The following PCDHA5 variants were observed in gnomAD, a reference collection of about 807,000 sequenced individuals.
The protein encoded by PCDHA5 is protocadherin alpha-5.
Under a neutral mutation model 61.6 loss-of-function variants are expected in PCDHA5, and 43 were observed. The ratio of observed to expected loss-of-function variants is 0.70; its 90% CI spans 0.55 to 0.90. PCDHA5 has a LOEUF of 0.90. Ranked by LOEUF, PCDHA5 falls within the 40% of genes least tolerant of loss-of-function variation. The pLI is 0.00. For synonymous variants in PCDHA5, 627 were observed against 543.9 expected (o/e 1.15, Z -2.13); for missense variants, 1,298 against 1,222.7 (o/e 1.06, Z -0.92).
intron 1 of PCDHA5, chr5:140,870,699 C>T (rs1160091003): frequency 6.2e-7 from 1 of 1,613,004 alleles, no homozygotes. Flanking sequence ...TGCTACAGTT[C>T]CAGGTGAGCG....
chr5:140,991,433 T>G (rs1441155854), intron 3 of PCDHA5, among the ~76,000 whole-genome samples: 1 of 152,194 alleles, frequency 6.6e-6, no homozygotes, highest in Non-Finnish European at 1.5e-5. Context: ...AACCATAAAC[T>G]TCATGGCTTA....
chr5:140,910,808 G>A (rs535429898), intron 1 of PCDHA5, among the ~76,000 whole-genome samples: 1 of 152,170 alleles, frequency 6.6e-6, no homozygotes, highest in South Asian at 2.1e-4. Flanking sequence ...TGCTTAGTGG[G>A]CCCAAATCAA....
intron 1 of PCDHA5, chr5:140,966,397 G>C (rs782390663): frequency 4.5e-5 from 18 of 404,120 alleles, no homozygotes; most frequent in Admixed American, 2.2e-4. Flanking sequence ...CCGCCACTTC[G>C]GCGCGGAATC....
chr5:140,852,967 C>T (rs1446312366), intron 1 of PCDHA5: 3 of 408,074 alleles, frequency 7.4e-6, no homozygotes, highest in South Asian at 2.0e-4. Flanking sequence ...CAAGCTCCCC[C>T]TCCCGTGTTC....
At chr5:140,876,321 G>T (rs2153339560) in intron 1 of PCDHA5, 2 of 1,614,030 alleles carry the variant, frequency 1.2e-6, no homozygotes, top group East Asian at 2.2e-5. Context: ...GGATCAAAAT[G>T]ATTTTGCCAG....
At chr5:140,951,426 A>T (rs1282737926) in intron 1 of PCDHA5, among the ~76,000 whole-genome samples, 1 of 152,068 alleles carries the variant, frequency 6.6e-6, no homozygotes, top group Non-Finnish European at 1.5e-5. Flanking sequence ...ACAGTTCCAC[A>T]GGCTGTAGGA....
At chr5:140,986,583 T>C (rs1265983211) in intron 3 of PCDHA5, among the ~76,000 whole-genome samples, 1 of 152,170 alleles carries the variant, frequency 6.6e-6, no homozygotes, top group African/African-American at 2.4e-5. Flanking sequence ...TTTTTCCAGC[T>C]CCTCTTTCTA....
intron 1 of PCDHA5, chr5:140,882,766 G>C (rs782330844): frequency 6.2e-7 from 1 of 1,614,184 alleles, no homozygotes; most frequent in Non-Finnish European, 8.5e-7. Context: ...GAGTAAACTC[G>C]GCATTGACCT....
chr5:140,868,979 C>T, intron 1 of PCDHA5: 6 of 1,485,290 alleles, frequency 4.0e-6, no homozygotes, highest in Non-Finnish European at 5.4e-6. Flanking sequence ...TCCATCATAC[C>T]GGATGCCACC....
intron 3 of PCDHA5, among the ~76,000 whole-genome samples, chr5:140,991,948 A>G (rs2097482017): frequency 6.6e-6 from 1 of 152,046 alleles, no homozygotes; most frequent in Non-Finnish European, 1.5e-5. Flanking sequence ...TAAAATTAGA[A>G]TGCAGTCATT....
chr5:140,985,283 A>G (rs955144760), intron 3 of PCDHA5, among the ~76,000 whole-genome samples: 6 of 152,020 alleles, frequency 3.9e-5, no homozygotes, highest in Admixed American at 1.3e-4. Context: ...TCTGCAATCT[A>G]TGATATAGTG....
chr5:140,877,467 G>T (rs1554169776), intron 1 of PCDHA5: 2 of 1,613,868 alleles, frequency 1.2e-6, no homozygotes, highest in Non-Finnish European at 1.7e-6. Flanking sequence ...CGGCCACGGT[G>T]CTGGTGTCGC....
In PCDHA5 at chr5:140,851,928, G is replaced by A. The variant is rs1294571099; in HGVS notation, c.2352+27801G>A. 4.1e-6 allele frequency: 4 copies of A among 965,790 alleles called. 1 individual carries two copies. In the African/African-American group the frequency reaches 7.1e-5, roughly 17 times the overall value. 59.8% of individuals were successfully genotyped at this position (965,790 alleles called of 1,614,324 possible). On this transcript the variant is annotated intron_variant, in intron 1 of 3. Coordinates refer to ENST00000529859, the MANE Select transcript of PCDHA5 (RefSeq NM_018908.3). Reference sequence around the variant, plus strand: ...AATGTCACTACATGTTATGTTTCCTGAATTGTAGTATGTGACTTTCAAAAT... The same window carrying A: ...AATGTCACTACATGTTATGTTTCCTAAATTGTAGTATGTGACTTTCAAAAT...
At chr5:140,970,327 A>AGCATG (rs2096397524) in intron 1 of PCDHA5, among the ~76,000 whole-genome samples, 1 of 152,204 alleles carries the variant, frequency 6.6e-6, no homozygotes, top group African/African-American at 2.4e-5. Context: ...GTACTTCCAA[A>AGCATG]GCATGCATTC....
At chr5:140,830,167 G>A in intron 1 of PCDHA5, 2 of 1,613,548 alleles carry the variant, frequency 1.2e-6, no homozygotes, top group South Asian at 1.1e-5. Flanking sequence ...CAGAGGCGGC[G>A]CTGGTGGATG....
intron 1 of PCDHA5, chr5:140,867,873 G>A (rs1554161583): frequency 6.6e-6 from 1 of 152,056 alleles, no homozygotes; most frequent in East Asian, 1.9e-4. Flanking sequence ...AATTTTCTAT[G>A]TTTTAAGCAC....
Position 140,823,627 on chromosome 5 carries a change from C to A in PCDHA5, c.1852C>A (p.Arg618Ser), listed in dbSNP as rs1202244772. ...GCTGCAGCCAGCGCCTGGCAGTGCG[C>A]GCATCCCGTTCCGCGTGGGGCTGTA... ...YELQPAPGSA[R>S]IPFRVGLYTG... The change falls in exon 1 of 4, where the codon CGC becomes AGC. Residue 618 changes from arginine to serine, a missense_variant. Transcript: ENST00000529859. The A allele has an allele frequency of 6.2e-6, 10 of 1,614,024 alleles. No individual in the cohort carries two copies. The highest frequency in any genetic ancestry group is 8.5e-6 in the Non-Finnish European group (10 of 1,179,958).
intron 1 of PCDHA5, among the ~76,000 whole-genome samples, chr5:140,949,473 G>A (rs2094384488): frequency 6.6e-6 from 1 of 151,492 alleles, no homozygotes; most frequent in South Asian, 2.1e-4. Flanking sequence ...CCTGTTATTA[G>A]GCACACACAT....
intron 1 of PCDHA5, chr5:140,968,856 G>A (rs782749305): frequency 1.2e-6 from 2 of 1,614,184 alleles, no homozygotes; most frequent in South Asian, 1.1e-5. Flanking sequence ...CATGTTAAGA[G>A]CCCTCGGACA....
Sources: allele counts gnomAD v4.1 joint callset (sites outside exome capture counted in the v4.1 genomes callset), GRCh38; gene constraint gnomAD v4.1.1; transcripts MANE v1.5; gene names NCBI Gene and HGNC (gene_info 2026-07-23, HGNC 2026-07-21).